The following REC114 variants were observed in gnomAD, a reference collection of about 807,000 sequenced individuals.
REC114 encodes meiotic recombination protein REC114.
REC114 carries 27 observed loss-of-function variants against 31.3 expected under a neutral mutation model. That is an observed-to-expected ratio of 0.86 (90% CI 0.64 to 1.19). The LOEUF (loss-of-function observed/expected upper bound fraction) is 1.19, where lower values mean the gene tolerates loss of function less well. Ranked by LOEUF, REC114 falls within the 50% of genes most tolerant of loss-of-function variation. The probability of loss-of-function intolerance (pLI) is 0.00; values close to 1 mark genes in which losing one functional copy is unlikely to be tolerated. For synonymous variants in REC114, 134 were observed against 127.7 expected, an observed-to-expected ratio of 1.05 and a Z score of -0.33; for missense variants, 344 against 326.9, an observed-to-expected ratio of 1.05 and a Z score of -0.40.
chr15:73,519,579 A>G (rs749590146), intron 2 of REC114, among the ~76,000 whole-genome samples: 1 of 152,216 alleles, frequency 6.6e-6, no homozygotes, highest in Non-Finnish European at 1.5e-5. Flanking sequence ...CATTTCCTCA[A>G]ATAATTAAAA....
In REC114 at chr15:73,506,876, A is replaced by G. The variant is rs1434888010; in HGVS notation, c.249+32955A>G. On this transcript the variant is annotated intron_variant, in intron 2 of 5. Coordinates refer to ENST00000331090, the MANE Select transcript of REC114 (RefSeq NM_001042367.2). ...ATCACCAAAGAAAAGATCAACATAT[A>G]TTAACTACGTAAAAGTAGAAAACTT... Among the ~76,000 whole-genome samples the G allele has an allele frequency of 2.0e-5, 3 of 152,208 alleles. No individual in the cohort carries two copies. In the South Asian group the frequency reaches 6.2e-4, roughly 31 times the overall value.
At chr15:73,536,642 A>G (rs1479354678) in intron 2 of REC114, among the ~76,000 whole-genome samples, 1 of 152,220 alleles carries the variant, frequency 6.6e-6, no homozygotes, top group African/African-American at 2.4e-5. Context: ...TTTCACAGCA[A>G]GGCAGATCAG....
At chr15:73,522,682 A>T (rs1352522927) in intron 2 of REC114, among the ~76,000 whole-genome samples, 3 of 152,220 alleles carry the variant, frequency 2.0e-5, no homozygotes, top group Non-Finnish European at 4.4e-5. Context: ...TATCCAATAC[A>T]TATTCATGGA....
intron 1 of REC114, among the ~76,000 whole-genome samples, chr15:73,446,056 C>T (rs1175295280): frequency 1.3e-5 from 2 of 152,208 alleles, no homozygotes; most frequent in African/African-American, 2.4e-5. Flanking sequence ...CCTGTACCTA[C>T]TTCATAGGAT....
intron 1 of REC114, among the ~76,000 whole-genome samples, chr15:73,457,610 T>A (rs571164282): frequency 1.3e-5 from 2 of 150,234 alleles, no homozygotes; most frequent in East Asian, 3.9e-4. Context: ...TCATTTTCTG[T>A]CATTTCTCAG....
At chr15:73,554,672 A>G (rs1223272813) in intron 4 of REC114, among the ~76,000 whole-genome samples, 2 of 152,196 alleles carry the variant, frequency 1.3e-5, no homozygotes, top group Non-Finnish European at 2.9e-5. Flanking sequence ...TGTTAGCACA[A>G]AAAGTCCAGA....
chr15:73,449,284 T>C (rs1892811945), intron 1 of REC114, among the ~76,000 whole-genome samples: 1 of 152,070 alleles, frequency 6.6e-6, no homozygotes, highest in Non-Finnish European at 1.5e-5. Context: ...TAGAATAACC[T>C]GTTTAGAAAA....
intron 2 of REC114, among the ~76,000 whole-genome samples, chr15:73,525,559 T>C (rs1893994135): frequency 6.6e-6 from 1 of 152,048 alleles, no homozygotes; most frequent in South Asian, 2.1e-4. Context: ...GTTTAAAATG[T>C]TTTATTCTGT....
intron 2 of REC114, among the ~76,000 whole-genome samples, chr15:73,508,134 T>C (rs1281884151): frequency 2.6e-5 from 4 of 152,166 alleles, no homozygotes; most frequent in African/African-American, 9.7e-5. Flanking sequence ...AGGTCAGAGA[T>C]TATGTCTTCT....
At chr15:73,487,032 A>G (rs1229207542) in intron 2 of REC114, among the ~76,000 whole-genome samples, 1 of 152,122 alleles carries the variant, frequency 6.6e-6, no homozygotes, top group Non-Finnish European at 1.5e-5. Context: ...AAAAAAAAAA[A>G]ATACTCTATT....
intron 2 of REC114, among the ~76,000 whole-genome samples, chr15:73,490,439 T>A (rs559159498): frequency 1.3e-5 from 2 of 152,350 alleles, no homozygotes; most frequent in African/African-American, 4.8e-5. Flanking sequence ...CTGGGCGCAG[T>A]GGCCCATGCC....
At chr15:73,540,261 T>G (rs981519296) in intron 2 of REC114, among the ~76,000 whole-genome samples, 6 of 152,050 alleles carry the variant, frequency 3.9e-5, no homozygotes, top group Non-Finnish European at 7.4e-5. Flanking sequence ...ATAAAAAGAT[T>G]AAGAAAAAAA....
In REC114 at chr15:73,443,329, C is replaced by A; in HGVS notation, c.144C>A (p.Pro48=). 1 of 1,579,976 alleles carries A rather than the reference C, an allele frequency of 6.3e-7. No individual in the cohort carries two copies. The highest frequency in any genetic ancestry group is 8.6e-7 in the Non-Finnish European group (1 of 1,164,282). The change falls in exon 1 of 6, where the codon CCC becomes CCA. Residue 48 remains proline, a synonymous_variant. Coordinates refer to ENST00000331090, the MANE Select transcript of REC114 (RefSeq NM_001042367.2). ...PGPCLEAGTA[P]CPTWKVFDSN... is the part of the protein sequence containing the mutation. ...CATGCCTGGAAGCTGGGACAGCCCC[C>A]TGCCCCACATGGAAGGTGAGGCCCG...
intron 2 of REC114, among the ~76,000 whole-genome samples, chr15:73,539,721 T>C (rs1052171543): frequency 6.6e-6 from 1 of 152,102 alleles, no homozygotes; most frequent in African/African-American, 2.4e-5. Context: ...ATGCAATTTT[T>C]GCATATTGTC....
At chr15:73,447,200 A>G (rs1456422421) in intron 1 of REC114, among the ~76,000 whole-genome samples, 7 of 152,146 alleles carry the variant, frequency 4.6e-5, no homozygotes, top group Admixed American at 4.6e-4. Flanking sequence ...TGAATTTCAT[A>G]AGATTGTGAA....
At chr15:73,545,177 A>AT (rs1894292150) in intron 3 of REC114, among the ~76,000 whole-genome samples, 1 of 152,214 alleles carries the variant, frequency 6.6e-6, no homozygotes, top group Non-Finnish European at 1.5e-5. Context: ...ATAACTTGAA[A>AT]TTAAGTGTTC....
At chr15:73,459,917 T>C (rs1892966656) in intron 1 of REC114, among the ~76,000 whole-genome samples, 1 of 152,204 alleles carries the variant, frequency 6.6e-6, no homozygotes, top group South Asian at 2.1e-4. Context: ...TGGGGGTTAA[T>C]TTCTGCAGCA....
chr15:73,473,999 A>G (rs988352166), intron 2 of REC114, 78 bp downstream of exon 2: 22 of 888,788 alleles, frequency 2.5e-5, no homozygotes, highest in Admixed American at 6.7e-5. Context: ...TGTATCCTCA[A>G]GCTTCTTCAG....
At chr15:73,462,162 C>T (rs1274807288) in intron 1 of REC114, among the ~76,000 whole-genome samples, 2 of 151,758 alleles carry the variant, frequency 1.3e-5, no homozygotes, top group Non-Finnish European at 2.9e-5. Flanking sequence ...GAACTCCTGA[C>T]CTTGTGATCC....
Sources: gnomAD v4.1 joint callset for allele counts (sites outside exome capture counted in the v4.1 genomes callset) on GRCh38, gnomAD v4.1.1 for gene constraint, MANE v1.5 for transcripts, NCBI Gene and HGNC (gene_info 2026-07-23, HGNC 2026-07-21) for gene names.